The following SHC3 variants were observed in gnomAD, a reference collection of about 807,000 sequenced individuals.
SHC3 encodes the protein SHC-transforming protein 3.
In SHC3, 15 loss-of-function variants were observed where a neutral mutation model predicts 60.4. The observed-to-expected ratio is 0.25, with a 90% CI of 0.17 to 0.38. The LOEUF is 0.38. Among genes scored for constraint, SHC3 ranks in the 10% least tolerant of loss-of-function variants. The probability of loss-of-function intolerance (pLI) is 1.00; values close to 1 mark genes in which losing one functional copy is unlikely to be tolerated. For missense variants in SHC3, 677 were observed against 786.1 expected (o/e 0.86, Z 1.66); for synonymous variants, 294 against 325.9 (o/e 0.90, Z 1.05).
In SHC3 at chr9:89,009,586, T is replaced by A. The variant is rs1825989069; in HGVS notation, c.*3861A>T. ...CTCAAGCTGGGAACATGTATAGCCC[T>A]GCAGTGTAGAGCACGCCAAGGCTCA... On this transcript the variant is annotated 3_prime_UTR_variant, in exon 12 of 12. Coordinates refer to ENST00000375835, the MANE Select transcript of SHC3 (RefSeq NM_016848.6). 1 of 152,234 alleles carries A rather than the reference T, an allele frequency of 6.6e-6. No homozygotes were observed. Among genetic ancestry groups the A allele is most frequent in the Non-Finnish European group, 1.5e-5 (1 of 68,058 alleles). 9.4% of individuals were successfully genotyped at this position (152,234 alleles called of 1,614,324 possible). A position where few individuals can be genotyped will look rare whatever the true frequency, so the allele number is the denominator to read the frequency against.
At chr9:89,081,124 T>A (rs570859084) in intron 2 of SHC3, among the ~76,000 whole-genome samples, 1 of 151,954 alleles carries the variant, frequency 6.6e-6, no homozygotes, top group Non-Finnish European at 1.5e-5. Flanking sequence ...CCAGAAGCCA[T>A]AAAAGAAAAA....
intron 1 of SHC3, among the ~76,000 whole-genome samples, chr9:89,164,444 GT>G (rs1387218341): frequency 5.9e-5 from 9 of 152,264 alleles, no homozygotes; most frequent in South Asian, 2.1e-4. Flanking sequence ...AGTGCAACTG[GT>G]TTGGGAGAAA....
chr9:89,027,596 A>G (rs1486403775), intron 11 of SHC3, among the ~76,000 whole-genome samples: 3 of 4,266 alleles, frequency 7.0e-4, no homozygotes, highest in Non-Finnish European at 1.2e-3. Context: ...GATTACAGGC[A>G]TAAGCCATAA....
intron 1 of SHC3, among the ~76,000 whole-genome samples, chr9:89,130,170 G>A (rs1031928353): frequency 3.3e-5 from 5 of 152,128 alleles, no homozygotes; most frequent in African/African-American, 1.2e-4. Context: ...AGACAAAGAA[G>A]GCCATTACAT....
chr9:89,113,364 T>G (rs915261697), intron 1 of SHC3, among the ~76,000 whole-genome samples: 1 of 152,120 alleles, frequency 6.6e-6, no homozygotes, highest in African/African-American at 2.4e-5. Context: ...GATACAGATG[T>G]TTTAGATAAA....
At chr9:89,043,062 C>T (rs1426991903) in intron 9 of SHC3, among the ~76,000 whole-genome samples, 1 of 152,212 alleles carries the variant, frequency 6.6e-6, no homozygotes, top group Non-Finnish European at 1.5e-5. Context: ...CGCAAGAACA[C>T]CCTGTGGTAT....
At position 89,110,392 on chromosome 9, in the gene SHC3, T is replaced by C. The variant is rs760204469; in HGVS notation, c.545+2164A>G. 141 of 985,134 alleles carry C rather than the reference T, an allele frequency of 1.4e-4. 2 individuals carry two copies. Among genetic ancestry groups the C allele is most frequent in the Middle Eastern group, 1.0e-3 (2 of 1,914 alleles). The allele number at this position is 985,134 out of a possible 1,614,324, so 61.0% of individuals were successfully genotyped here. On this transcript the variant is annotated intron_variant, in intron 2 of 11. Transcript: ENST00000375835. The stretch of plus-strand genomic sequence containing the variant: ...GTATAATATAACTTAATTAGGACAT[T>C]AGATTTCCCTATAAACTTCCAAGAA...
chr9:89,034,695 C>T (rs940394091), intron 11 of SHC3, among the ~76,000 whole-genome samples: 5 of 152,188 alleles, frequency 3.3e-5, no homozygotes, highest in Admixed American at 6.5e-5. Context: ...GGAGCTAAAT[C>T]TAGACACTGT....
At chr9:89,160,784 A>G (rs1826692970) in intron 1 of SHC3, among the ~76,000 whole-genome samples, 1 of 152,230 alleles carries the variant, frequency 6.6e-6, no homozygotes, top group Admixed American at 6.5e-5. Context: ...CACAGAATTC[A>G]AGGGCCTGCT....
chr9:89,130,116 C>G (rs1392621493), intron 1 of SHC3, among the ~76,000 whole-genome samples: 1 of 152,112 alleles, frequency 6.6e-6, no homozygotes, highest in Non-Finnish European at 1.5e-5. Context: ...GCTTGCAATC[C>G]TAGTCCCTGA....
chr9:89,166,573 G>A (rs989442862), intron 1 of SHC3, among the ~76,000 whole-genome samples: 23 of 152,316 alleles, frequency 1.5e-4, no homozygotes, highest in Middle Eastern at 3.4e-3. Context: ...CAGGGTCTGC[G>A]GGGAGGGAGG....
chr9:89,053,388 C>T (rs974118064), intron 6 of SHC3, among the ~76,000 whole-genome samples: 1 of 152,228 alleles, frequency 6.6e-6, no homozygotes, highest in African/African-American at 2.4e-5. Context: ...CCAGTACATA[C>T]TGGAAAGATG....
At chr9:89,092,615 CAA>C (rs59133401) in intron 2 of SHC3, among the ~76,000 whole-genome samples, 7,723 of 67,420 alleles carry the variant, frequency 0.11, 173 homozygotes, top group Admixed American at 0.17. Flanking sequence ...GACTCTGTCT[CAA>C]AAAAAAAAAA....
chr9:89,077,586 G>A (rs1427087909), intron 3 of SHC3, among the ~76,000 whole-genome samples: 1 of 152,226 alleles, frequency 6.6e-6, no homozygotes, highest in Non-Finnish European at 1.5e-5. Flanking sequence ...TTAAGTGTCT[G>A]TTGTTATCAT....
chr9:89,075,702 C>T (rs908673056), intron 3 of SHC3, among the ~76,000 whole-genome samples: 1 of 152,194 alleles, frequency 6.6e-6, no homozygotes, highest in Non-Finnish European at 1.5e-5. Context: ...AGGATGTTCG[C>T]GGCCGAAGGG....
chr9:89,158,783 T>C (rs561805373), intron 1 of SHC3, among the ~76,000 whole-genome samples: 102 of 152,384 alleles, frequency 6.7e-4, no homozygotes, highest in Admixed American at 1.4e-3. Context: ...TCAAATCAAC[T>C]GTAATAGGAC....
intron 5 of SHC3, among the ~76,000 whole-genome samples, chr9:89,069,845 G>A (rs973161309): frequency 6.6e-6 from 1 of 152,248 alleles, no homozygotes; most frequent in African/African-American, 2.4e-5. Context: ...AAATGTCAAG[G>A]CTCTGGAGTC....
chr9:89,157,185 G>GGACC (rs1476077691), intron 1 of SHC3, among the ~76,000 whole-genome samples: 2 of 152,108 alleles, frequency 1.3e-5, no homozygotes, highest in African/African-American at 4.8e-5. Context: ...CTGGGTGAGT[G>GGACC]GACCCCAGTT....
intron 1 of SHC3, among the ~76,000 whole-genome samples, chr9:89,150,246 C>T (rs1826526941): frequency 6.6e-6 from 1 of 152,084 alleles, no homozygotes; most frequent in Non-Finnish European, 1.5e-5. Context: ...GGAACATTGC[C>T]ACCAGGGATA....
Sources: gnomAD v4.1 joint callset for allele counts (sites outside exome capture counted in the v4.1 genomes callset) on GRCh38, gnomAD v4.1.1 for gene constraint, MANE v1.5 for transcripts, NCBI Gene and HGNC (gene_info 2026-07-23, HGNC 2026-07-21) for gene names.